Variants in CDK17 observed in about 807,000 individuals in gnomAD.
The protein encoded by CDK17 is cyclin dependent kinase 17, also known as cyclin-dependent kinase 17.
In CDK17, 24 loss-of-function variants were observed where a neutral mutation model predicts 77.6. The observed-to-expected ratio is 0.31, with a 90% confidence interval of 0.22 to 0.44. CDK17 has a LOEUF of 0.44. CDK17 is among the 20% of genes least tolerant of loss of function. The pLI is 1.00. For missense variants in CDK17, 429 were observed against 622.5 expected, an observed-to-expected ratio of 0.69 and a Z score of 3.31; for synonymous variants, 203 against 210.4, an observed-to-expected ratio of 0.96 and a Z score of 0.30.
At chr12:96,342,140 CAG>C (rs1469240511) in intron 1 of CDK17, among the ~76,000 whole-genome samples, 1 of 152,006 alleles carries the variant, frequency 6.6e-6, no homozygotes, top group Admixed American at 6.6e-5. Flanking sequence ...AAATATCAAA[CAG>C]AGATAAAGAC....
At chr12:96,348,523 C>CAA (rs35363324) in intron 1 of CDK17, among the ~76,000 whole-genome samples, 2,742 of 66,264 alleles carry the variant, frequency 0.041, 146 homozygotes, top group South Asian at 0.16. Context: ...GACTCTGTCT[C>CAA]AAAAAAAAAA....
chr12:96,350,813 A>G (rs1953299505), intron 1 of CDK17, among the ~76,000 whole-genome samples: 1 of 152,198 alleles, frequency 6.6e-6, no homozygotes, highest in African/African-American at 2.4e-5. Context: ...GATTTCTTAA[A>G]TATGACACCA....
intron 3 of CDK17, among the ~76,000 whole-genome samples, chr12:96,314,415 A>C (rs1952681068): frequency 1.3e-5 from 2 of 152,084 alleles, no homozygotes; most frequent in African/African-American, 4.8e-5. Flanking sequence ...CTTGTTGTTC[A>C]GGCTCATCTT....
rs1350480518 is a variant in CDK17 at position 96,279,211 on chromosome 12, A to G, written c.*1031T>C. On this transcript the variant is annotated 3_prime_UTR_variant, in exon 17 of 17. Coordinates refer to ENST00000261211, the MANE Select transcript of CDK17 (RefSeq NM_002595.5). ...AACAGATAATACCCACAATAATTTC[A>G]AGCAATCCTGTAAGTTCTCATTTCT... 6.6e-6 allele frequency: 1 copy of G among 152,182 alleles called. No homozygotes were observed. The highest frequency in any genetic ancestry group is 2.4e-5 in the African/African-American group (1 of 41,452). The allele number at this position is 152,182 out of a possible 1,614,324, so 9.4% of individuals were successfully genotyped here.
intron 1 of CDK17, among the ~76,000 whole-genome samples, chr12:96,377,939 C>T (rs1953812988): frequency 6.6e-6 from 1 of 152,200 alleles, no homozygotes; most frequent in Non-Finnish European, 1.5e-5. Context: ...GTGATCCGCC[C>T]ACCTTGGCCT....
Position 96,343,637 on chromosome 12 carries a change from T to C in CDK17, c.-29-8772A>G, listed in dbSNP as rs118172377. Among the ~76,000 whole-genome samples, 1,186 of 152,306 alleles carry C rather than the reference T, an allele frequency of 7.8e-3. 50 individuals are homozygous for C. Among genetic ancestry groups the C allele is most frequent in the East Asian group, 6.4e-3 (33 of 5,184 alleles). The stretch of plus-strand genomic sequence containing the variant: ...CTGACTTACTACAGAGATAATGTAA[T>C]AGAAACTTCAGTGACTATACACACA... On this transcript the variant is annotated intron_variant, in intron 1 of 16. Transcript: ENST00000261211.
intron 1 of CDK17, among the ~76,000 whole-genome samples, chr12:96,340,762 G>A (rs1279669457): frequency 6.6e-6 from 1 of 151,940 alleles, no homozygotes; most frequent in Non-Finnish European, 1.5e-5. Context: ...ATCTAAAATT[G>A]GAACACTCAA....
chr12:96,369,903 A>G lies in CDK17; in HGVS notation c.-30+30083T>C, dbSNP rs529372737. Among the ~76,000 whole-genome samples, 18 of 152,184 alleles carry G rather than the reference A, an allele frequency of 1.2e-4. No individual in the cohort carries two copies. The South Asian group carries it at 3.5e-3, about 30-fold the overall frequency. On this transcript the variant is annotated intron_variant, in intron 1 of 16. Transcript: ENST00000261211. ...AGACCAGCCTGACCAATATGGTGAA[A>G]CTCCTTAACTGTTTCTTTAGTTTAA...
intron 2 of CDK17, among the ~76,000 whole-genome samples, chr12:96,329,215 A>G: frequency 6.6e-6 from 1 of 152,158 alleles, no homozygotes; most frequent in Non-Finnish European, 1.5e-5. Flanking sequence ...AGACATGGGT[A>G]GCAGTGATGG....
chr12:96,386,044 G>T (rs952261659), intron 1 of CDK17, among the ~76,000 whole-genome samples: 3 of 152,216 alleles, frequency 2.0e-5, no homozygotes, highest in African/African-American at 7.2e-5. Flanking sequence ...TTGAGATAGG[G>T]TCTCTAACTC....
At chr12:96,290,345 T>C (rs1396994869) in intron 10 of CDK17, among the ~76,000 whole-genome samples, 1 of 152,206 alleles carries the variant, frequency 6.6e-6, no homozygotes, top group East Asian at 1.9e-4. Flanking sequence ...CAAATTTATT[T>C]TGCCAAAACA....
chr12:96,284,690 G>A (rs913917127), intron 13 of CDK17, among the ~76,000 whole-genome samples: 4 of 150,890 alleles, frequency 2.7e-5, no homozygotes, highest in Middle Eastern at 3.4e-3. Context: ...TCAGCCTCCC[G>A]AGTAGCTAGG....
intron 1 of CDK17, among the ~76,000 whole-genome samples, chr12:96,344,807 GTTTT>G (rs779649852): frequency 1.3e-5 from 2 of 152,054 alleles, no homozygotes; most frequent in Admixed American, 6.6e-5. Context: ...TGCTTTTCTT[GTTTT>G]TTTAATTATT....
In CDK17 at chr12:96,400,108, C is replaced by G. The variant is rs1954236611; in HGVS notation, c.-152G>C. 1 of 392,400 alleles carries G rather than the reference C, an allele frequency of 2.5e-6. No homozygotes were observed. Among genetic ancestry groups the G allele is most frequent in the South Asian group, 1.3e-4 (1 of 7,706 alleles). The allele number at this position is 392,400 out of a possible 1,614,324, so 24.3% of individuals were successfully genotyped here. On this transcript the variant is annotated 5_prime_UTR_variant, in exon 1 of 17. Coordinates refer to ENST00000261211, the MANE Select transcript of CDK17 (RefSeq NM_002595.5). ...GTCTCAGCGGCCGGCAGACGTGAGG[C>G]GCTTCCGAGCGCAGGCCTCCGCCGC... is the stretch of plus-strand genomic sequence containing the variant.
intron 1 of CDK17, among the ~76,000 whole-genome samples, chr12:96,379,343 CAATT>C (rs762857358): frequency 3.3e-4 from 50 of 152,164 alleles, no homozygotes; most frequent in Non-Finnish European, 5.7e-4. Context: ...TTTATAGAAA[CAATT>C]AATGTTTATA....
intron 3 of CDK17, among the ~76,000 whole-genome samples, chr12:96,320,135 A>G (rs1952795355): frequency 1.3e-5 from 2 of 152,200 alleles, no homozygotes; most frequent in South Asian, 4.1e-4. Flanking sequence ...AATCTTATAC[A>G]TTGTACAAGC....
intron 10 of CDK17, among the ~76,000 whole-genome samples, chr12:96,290,978 T>C (rs1952316551): frequency 6.6e-6 from 1 of 152,150 alleles, no homozygotes; most frequent in Non-Finnish European, 1.5e-5. Flanking sequence ...AAAATATCTG[T>C]CTATATCACT....
At chr12:96,286,890 T>A (rs1277049940) in intron 11 of CDK17, 129 bp from the exon 12 acceptor site, 2 of 631,176 alleles carry the variant, frequency 3.2e-6, no homozygotes, top group Non-Finnish European at 5.5e-6. Flanking sequence ...TGAAGGGATA[T>A]TTTAGATCTA....
chr12:96,357,190 T>C (rs1242790556), intron 1 of CDK17, among the ~76,000 whole-genome samples: 1 of 152,188 alleles, frequency 6.6e-6, no homozygotes, highest in African/African-American at 2.4e-5. Context: ...GGCCAGGCAC[T>C]GTGGCTCATG....
Sources: gnomAD v4.1 joint callset for allele counts (sites outside exome capture counted in the v4.1 genomes callset) on GRCh38, gnomAD v4.1.1 for gene constraint, MANE v1.5 for transcripts, NCBI Gene and HGNC (gene_info 2026-07-23, HGNC 2026-07-21) for gene names.